The following TENM1 variants were observed in gnomAD, a reference collection of about 807,000 sequenced individuals.
TENM1 encodes teneurin-1.
A neutral mutation model predicts 174.8 loss-of-function variants in TENM1; 35 were observed. That is an observed-to-expected ratio of 0.20 (90% CI 0.15 to 0.27). TENM1 has a LOEUF of 0.27. Among genes scored for constraint, TENM1 ranks in the 10% least tolerant of loss-of-function variants. The pLI, the probability that TENM1 is intolerant of heterozygous loss-of-function variation, is 1.00. For missense variants in TENM1, 1,633 were observed against 2,130.1 expected (o/e 0.77, Z 4.59); for synonymous variants, 781 against 798.7 (o/e 0.98, Z 0.37).
At chrX:125,147,227 CAT>C in the TENM1 span, among the ~76,000 whole-genome samples, 3 of 108,796 alleles carry the variant, frequency 2.8e-5, no homozygotes, top group Non-Finnish European at 3.8e-5. Flanking sequence ...CACATGTATG[CAT>C]ATGTGTATAC....
At chrX:125,159,323 T>C in the TENM1 span, among the ~76,000 whole-genome samples, 1 of 111,964 alleles carries the variant, frequency 8.9e-6, no homozygotes, top group Non-Finnish European at 1.9e-5. Context: ...GAGTAAGACT[T>C]CTTATGCCCA....
intron 15 of TENM1, among the ~76,000 whole-genome samples, chrX:124,535,464 GA>G (rs2048187365): frequency 9.0e-6 from 1 of 111,564 alleles, no homozygotes; most frequent in Admixed American, 9.5e-5. Context: ...GAGTCATGTT[GA>G]AACTGTCATG....
chrX:124,622,484 A>G (rs1381269874), intron 11 of TENM1, among the ~76,000 whole-genome samples: 2 of 112,415 alleles, frequency 1.8e-5, no homozygotes, highest in African/African-American at 3.2e-5. Flanking sequence ...AAAACAGAGT[A>G]GCAAACTGTG....
At chrX:124,554,993 G>A (rs1210411841) in intron 14 of TENM1, among the ~76,000 whole-genome samples, 1 of 111,946 alleles carries the variant, frequency 8.9e-6, no homozygotes, top group Non-Finnish European at 1.9e-5. Flanking sequence ...AGGCTGTTTG[G>A]ATTAAACACT....
chrX:124,585,957 G>A (rs1198351025), intron 11 of TENM1, among the ~76,000 whole-genome samples: 2 of 110,159 alleles, frequency 1.8e-5, no homozygotes, highest in African/African-American at 3.4e-5. Flanking sequence ...TAAATTCCTC[G>A]ACACATACAC....
chrX:124,520,619 TGA>T lies in TENM1; in HGVS notation c.3197_3198del (p.Leu1066HisfsTer10). 8.3e-7 allele frequency: 1 copy of T among 1,210,900 alleles called. No homozygotes were observed. Among genetic ancestry groups the T allele is most frequent in the Non-Finnish European group, 1.1e-6 (1 of 895,134 alleles). On this transcript the variant is annotated frameshift_variant, in exon 18 of 32. Coordinates refer to ENST00000422452, the Ensembl canonical transcript of TENM1. LOFTEE classifies it high-confidence loss of function. ...ATTGCGGCGGGAAACCACTTCTGTG[TGA>T]GTCGCCCTTCCACAGCTACTGTGAG... is the stretch of plus-strand genomic sequence containing the variant.
At chrX:124,749,595 C>G (rs746851230) in intron 3 of TENM1, among the ~76,000 whole-genome samples, 1 of 112,129 alleles carries the variant, frequency 8.9e-6, no homozygotes, top group African/African-American at 3.2e-5. Flanking sequence ...TTGTGGATAA[C>G]CGTTTGAAGT....
chrX:124,898,231 A>AT, intron 1 of TENM1, among the ~76,000 whole-genome samples: 1 of 111,066 alleles, frequency 9.0e-6, no homozygotes, highest in Non-Finnish European at 1.9e-5. Flanking sequence ...AAGAATCTGC[A>AT]TTTCGAATGA....
At chrX:124,658,869 G>C (rs554884518) in intron 6 of TENM1, among the ~76,000 whole-genome samples, 1 of 111,837 alleles carries the variant, frequency 8.9e-6, no homozygotes, top group South Asian at 3.7e-4. Flanking sequence ...GTTGCATTTT[G>C]ACTCTGTATA....
chrX:124,895,018 T>A (rs1013320020), intron 2 of TENM1, among the ~76,000 whole-genome samples: 4 of 111,957 alleles, frequency 3.6e-5, no homozygotes, highest in Admixed American at 1.9e-4. Flanking sequence ...AGTGTTATGG[T>A]CTACTATTTA....
chrX:125,186,146 T>C, the TENM1 span, among the ~76,000 whole-genome samples: 2 of 111,559 alleles, frequency 1.8e-5, no homozygotes, highest in African/African-American at 6.5e-5. Context: ...TACATTAAAA[T>C]TGTCCTTTAC....
chrX:125,049,218 C>T, the TENM1 span, among the ~76,000 whole-genome samples: 2 of 111,547 alleles, frequency 1.8e-5, no homozygotes, highest in Non-Finnish European at 3.8e-5. Flanking sequence ...AAAAAGAAAC[C>T]CTGTACTCAT....
the TENM1 span, among the ~76,000 whole-genome samples, chrX:124,980,097 C>T: frequency 9.0e-6 from 1 of 111,313 alleles, no homozygotes; most frequent in South Asian, 3.7e-4. Context: ...AGAGGCTGGG[C>T]TTGGTGGCTC....
intron 3 of TENM1, among the ~76,000 whole-genome samples, chrX:124,753,699 G>A (rs1227049357): frequency 9.0e-6 from 1 of 111,426 alleles, no homozygotes; most frequent in Non-Finnish European, 1.9e-5. Context: ...TTAGCATGAA[G>A]GGTTGTTGAA....
the TENM1 span, among the ~76,000 whole-genome samples, chrX:124,971,536 A>C: frequency 9.0e-6 from 1 of 111,166 alleles, no homozygotes; most frequent in Non-Finnish European, 1.9e-5. Flanking sequence ...GGCTATTTAC[A>C]CTCCTCCCTC....
At chrX:124,962,707 A>T (rs904226229) in intron 1 of TENM1, among the ~76,000 whole-genome samples, 2 of 110,265 alleles carry the variant, frequency 1.8e-5, no homozygotes, top group Admixed American at 1.9e-4. Flanking sequence ...AATCCCAGCT[A>T]CTCAGGTGGC....
At chrX:124,629,559 G>A (rs1179083764) in intron 11 of TENM1, among the ~76,000 whole-genome samples, 1 of 112,336 alleles carries the variant, frequency 8.9e-6, no homozygotes, top group Non-Finnish European at 1.9e-5. Flanking sequence ...TATGGGAAAA[G>A]CATCATGCTA....
At chrX:124,955,931 T>C (rs941655044) in intron 1 of TENM1, among the ~76,000 whole-genome samples, 6 of 111,297 alleles carry the variant, frequency 5.4e-5, no homozygotes, top group African/African-American at 1.6e-4. Context: ...CCGATGCTAG[T>C]TCTATCACTT....
chrX:124,662,912 A>T (rs2051649362), intron 6 of TENM1, among the ~76,000 whole-genome samples: 1 of 112,255 alleles, frequency 8.9e-6, no homozygotes, highest in African/African-American at 3.2e-5. Context: ...CTCAAGGGCA[A>T]GCACTATGTC....
Sources: gnomAD v4.1 joint callset for allele counts (sites outside exome capture counted in the v4.1 genomes callset) on GRCh38, gnomAD v4.1.1 for gene constraint, MANE v1.5 for transcripts, NCBI Gene and HGNC (gene_info 2026-07-23, HGNC 2026-07-21) for gene names.